LRRC9: variants seen among roughly 807,000 people sequenced by gnomAD.
LRRC9 encodes leucine rich repeat containing 9.
A neutral mutation model predicts 63.2 loss-of-function variants in LRRC9; 122 were observed. The observed-to-expected ratio is 1.93, with a 90% CI of 1.67 to 2.24. The LOEUF is 2.24. Ranked by LOEUF, LRRC9 falls within the 30% of genes most tolerant of loss-of-function variation. The probability of loss-of-function intolerance (pLI) is 0.00; values close to 1 mark genes in which losing one functional copy is unlikely to be tolerated. For synonymous variants in LRRC9, 366 were observed against 213.1 expected (o/e 1.72, Z -6.25); for missense variants, 1,071 against 627.7 (o/e 1.71, Z -7.55).
intron 19 of LRRC9, among the ~76,000 whole-genome samples, chr14:60,001,288 C>T (rs1889337903): frequency 6.6e-6 from 1 of 151,926 alleles, no homozygotes; most frequent in Non-Finnish European, 1.5e-5. Context: ...TACCAGGAAA[C>T]ATGCACAAGA....
chr14:59,936,446 C>A lies in LRRC9; in HGVS notation c.544-1944C>A, dbSNP rs1230966919. 2.0e-5 allele frequency among the ~76,000 whole-genome samples: 3 copies of A among 152,104 alleles called. No homozygotes were observed. The East Asian group carries it at 5.8e-4, about 29-fold the overall frequency. ...GGTGATTGAATCAATTCTGTGCCCACCTTCCAACCATACCAGGCACCAGAG... is the reference window on the plus strand; with the variant it reads ...GGTGATTGAATCAATTCTGTGCCCAACTTCCAACCATACCAGGCACCAGAG... On this transcript the variant is annotated intron_variant, in intron 6 of 31. Transcript: ENST00000445360. The surrounding 1 kb of genome is among the most constrained non-coding windows in gnomAD (Gnocchi z 4.2).
Position 59,962,787 on chromosome 14 carries a change from A to G in LRRC9, c.1211+1742A>G, listed in dbSNP as rs1353933769. On this transcript the variant is annotated intron_variant, in intron 10 of 31. Transcript: ENST00000445360. This position sits in a 1 kb window ranked among gnomAD's most constrained non-coding sequence, Gnocchi z 5.1. ...TGCAACAAGTGGATTAGTGAAAAAA[A>G]AAAAAATGTAAAAGCAAAATGACCA... Among the ~76,000 whole-genome samples the G allele has an allele frequency of 6.6e-6, 1 of 152,120 alleles. No homozygotes were observed. Among genetic ancestry groups the G allele is most frequent in the Non-Finnish European group, 1.5e-5 (1 of 68,018 alleles).
chr14:59,969,931 T>A (rs1885288471), intron 12 of LRRC9, among the ~76,000 whole-genome samples: 1 of 152,194 alleles, frequency 6.6e-6, no homozygotes, highest in African/African-American at 2.4e-5. Context: ...ATGGTTAATA[T>A]ACTTTATTCT....
chr14:59,933,113 G>A (rs1185218285), intron 6 of LRRC9, among the ~76,000 whole-genome samples: 1 of 152,068 alleles, frequency 6.6e-6, no homozygotes, highest in African/African-American at 2.4e-5. Context: ...ATACCTGCAT[G>A]GCTCATTTCA....
chr14:59,933,452 G>A (rs1361763259), intron 6 of LRRC9, among the ~76,000 whole-genome samples: 1 of 152,134 alleles, frequency 6.6e-6, no homozygotes, highest in African/African-American at 2.4e-5. Flanking sequence ...ATATAATGTT[G>A]GTTAAAAGGT....
intron 17 of LRRC9, among the ~76,000 whole-genome samples, chr14:59,995,641 A>C (rs956252885): frequency 6.6e-6 from 1 of 152,214 alleles, no homozygotes; most frequent in African/African-American, 2.4e-5. Flanking sequence ...TGACTATTTA[A>C]TGAGTTCCTG....
rs1386290844 is a variant in LRRC9, at chr14:59,966,377, G to A, written c.1212-212G>A. ...TCCCTGAAGCTAAGAAAGTGTTTCA[G>A]AAAGTGAAGATTGCTCAACCAACCT... is the stretch of plus-strand genomic sequence containing the variant. On this transcript the variant is annotated intron_variant, in intron 10 of 31. Coordinates refer to ENST00000445360, the Ensembl canonical transcript of LRRC9. This position sits in a 1 kb window ranked among gnomAD's most constrained non-coding sequence, Gnocchi z 4.0. Among the ~76,000 whole-genome samples the A allele has an allele frequency of 6.6e-6, 1 of 152,304 alleles. No homozygotes were observed. The highest frequency in any genetic ancestry group is 3.4e-3 in the Middle Eastern group (1 of 294).
rs1407978035 is a variant in LRRC9, at chr14:60,053,576, A to C, written c.4131+371A>C. Among the ~76,000 whole-genome samples the C allele has an allele frequency of 5.9e-5, 9 of 152,328 alleles. No homozygotes were observed. The East Asian group carries it at 1.7e-3, about 29-fold the overall frequency. On this transcript the variant is annotated intron_variant, in intron 30 of 31. Transcript: ENST00000445360. The surrounding 1 kb of genome is among the most constrained non-coding windows in gnomAD (Gnocchi z 4.8). ...ACTTTCATAAATAGAAACTAACAAT[A>C]AAACTATTTCCCTTTAGGCACACAG...
At chr14:60,038,292 A>G (rs1892627488) in intron 29 of LRRC9, among the ~76,000 whole-genome samples, 1 of 152,094 alleles carries the variant, frequency 6.6e-6, no homozygotes, top group South Asian at 2.1e-4. Context: ...GTTTTTTCCA[A>G]TTCTGTGAAG....
chr14:59,980,767 T>C (rs1447716262), intron 15 of LRRC9, among the ~76,000 whole-genome samples: 1 of 152,196 alleles, frequency 6.6e-6, no homozygotes, highest in Non-Finnish European at 1.5e-5. Context: ...AGTATGCCTT[T>C]AGCAAAAGAT....
intron 17 of LRRC9, among the ~76,000 whole-genome samples, chr14:59,994,501 C>T (rs544026415): frequency 5.9e-5 from 9 of 152,266 alleles, no homozygotes; most frequent in African/African-American, 2.2e-4. Flanking sequence ...CCCAGCCATC[C>T]CATTACTGGG....
intron 7 of LRRC9, among the ~76,000 whole-genome samples, chr14:59,940,734 A>G (rs1881672588): frequency 6.6e-6 from 1 of 152,182 alleles, no homozygotes; most frequent in African/African-American, 2.4e-5. Flanking sequence ...AATAAGTGCT[A>G]TGAAACTATA....
At chr14:60,055,403 T>C (rs926089733) in intron 30 of LRRC9, among the ~76,000 whole-genome samples, 5 of 151,972 alleles carry the variant, frequency 3.3e-5, no homozygotes, top group African/African-American at 1.2e-4. Flanking sequence ...TTCAGTGACT[T>C]AAGATGATTT....
intron 8 of LRRC9, among the ~76,000 whole-genome samples, chr14:59,957,225 C>T (rs1386246802): frequency 6.6e-6 from 1 of 152,126 alleles, no homozygotes; most frequent in African/African-American, 2.4e-5. Flanking sequence ...GTGTGTTTTC[C>T]AACTTGGTTG....
At chr14:59,978,222 G>T (rs1463154073) in intron 15 of LRRC9, 90 bp downstream of exon 15, 2 of 644,488 alleles carry the variant, frequency 3.1e-6, no homozygotes, top group Non-Finnish European at 5.7e-6. Flanking sequence ...GCTATGTCAA[G>T]TTTATATTAT....
chr14:60,050,719 C>T (rs1484403260), intron 29 of LRRC9, among the ~76,000 whole-genome samples: 2 of 152,152 alleles, frequency 1.3e-5, no homozygotes, highest in African/African-American at 4.8e-5. Flanking sequence ...TATCTACCTT[C>T]AATCTTTGAG....
intron 23 of LRRC9, among the ~76,000 whole-genome samples, chr14:60,015,500 C>A (rs1890603513): frequency 6.6e-6 from 1 of 152,122 alleles, no homozygotes; most frequent in Non-Finnish European, 1.5e-5. Flanking sequence ...CTCCATTTGG[C>A]TTCTGTTGAC....
In LRRC9 at chr14:60,060,012, T is replaced by C. The variant is rs1391494472; in HGVS notation, c.4276+1990T>C. Among the ~76,000 whole-genome samples, 5 of 152,156 alleles carry C rather than the reference T, an allele frequency of 3.3e-5. No individual in the cohort carries two copies. ...TCAAAGCTTCAAAGGACAGTCTGAC[T>C]CTCTTGTTAGGGGCTAGTGCAGCTG... On this transcript the variant is annotated intron_variant, in intron 31 of 31. Coordinates refer to ENST00000445360, the Ensembl canonical transcript of LRRC9. The surrounding 1 kb of genome is among the most constrained non-coding windows in gnomAD (Gnocchi z 4.0).
At position 59,960,909 on chromosome 14, in the gene LRRC9, A is replaced by G. The variant is rs1361863412; in HGVS notation, c.1080-5A>G. 1.5e-6 allele frequency: 1 copy of G among 661,730 alleles called. No individual in the cohort carries two copies. Among genetic ancestry groups the G allele is most frequent in the South Asian group, 1.7e-5 (1 of 59,204 alleles). 41.0% of individuals were successfully genotyped at this position (661,730 alleles called of 1,614,324 possible). A position where few individuals can be genotyped will look rare whatever the true frequency, so the allele number is the denominator to read the frequency against. On this transcript the variant is annotated splice_region_variant and splice_polypyrimidine_tract_variant and intron_variant, in intron 9 of 31. Transcript: ENST00000445360. ...AATAGCTGTATGTATTTTTCTCTCC[A>G]ATAGAATTGAAGCAATTTATCATAT...
Sources: gnomAD v4.1 joint callset for allele counts (sites outside exome capture counted in the v4.1 genomes callset) on GRCh38, gnomAD v4.1.1 for gene constraint, Gnocchi (gnomAD v3.1) non-coding constraint, MANE v1.5 for transcripts, NCBI Gene and HGNC (gene_info 2026-07-23, HGNC 2026-07-21) for gene names.